Variants in IKZF2 observed in about 807,000 individuals in gnomAD.
The protein encoded by IKZF2 is IKAROS family zinc finger 2.
IKZF2 carries 15 observed loss-of-function variants against 49.2 expected under a neutral mutation model. That is an observed-to-expected ratio of 0.30 (90% CI 0.20 to 0.47). The LOEUF is 0.47. IKZF2 is among the 20% of genes least tolerant of loss of function. IKZF2 has a pLI of 1.00. For synonymous variants in IKZF2, 227 were observed against 221.4 expected (o/e 1.03, Z -0.23); for missense variants, 567 against 664.6 (o/e 0.85, Z 1.61).
At chr2:213,071,404 T>C (rs1296587487) in intron 4 of IKZF2, among the ~76,000 whole-genome samples, 7 of 152,104 alleles carry the variant, frequency 4.6e-5, no homozygotes, top group Admixed American at 6.6e-5. Context: ...AGGAATTGAA[T>C]GTAACGAGTG....
At chr2:213,073,108 A>G (rs1189652360) in intron 4 of IKZF2, among the ~76,000 whole-genome samples, 1 of 152,198 alleles carries the variant, frequency 6.6e-6, no homozygotes, top group Non-Finnish European at 1.5e-5. Flanking sequence ...CTTAAGGTCT[A>G]CTTAATACGT....
At chr2:213,123,818 T>G (rs2060133868) in intron 4 of IKZF2, among the ~76,000 whole-genome samples, 1 of 152,102 alleles carries the variant, frequency 6.6e-6, no homozygotes, top group South Asian at 2.1e-4. Context: ...GAAATGATGA[T>G]AGTATTCTAA....
At chr2:213,083,125 G>T (rs1704134280) in intron 4 of IKZF2, among the ~76,000 whole-genome samples, 3 of 152,136 alleles carry the variant, frequency 2.0e-5, no homozygotes, top group Admixed American at 2.0e-4. Flanking sequence ...AGTAAGACAT[G>T]CTAAAATTAA....
intron 4 of IKZF2, among the ~76,000 whole-genome samples, chr2:213,125,315 T>A (rs975369284): frequency 2.6e-5 from 4 of 151,980 alleles, no homozygotes; most frequent in Non-Finnish European, 5.9e-5. Flanking sequence ...CCTAATAGAG[T>A]TTTTAATTAT....
intron 4 of IKZF2, among the ~76,000 whole-genome samples, chr2:213,092,973 T>C (rs1314057458): frequency 6.6e-6 from 1 of 152,176 alleles, no homozygotes; most frequent in East Asian, 1.9e-4. Context: ...AGAATACAAG[T>C]GCATTCTCAG....
chr2:213,127,845 AT>A (rs1407590846), intron 4 of IKZF2, among the ~76,000 whole-genome samples: 2 of 152,208 alleles, frequency 1.3e-5, no homozygotes, highest in African/African-American at 2.4e-5. Context: ...GAATACATGT[AT>A]TTCCAAAATA....
At position 213,021,997 on chromosome 2, in the gene IKZF2, G is replaced by T; in HGVS notation, c.708C>A (p.His236Gln). 1 of 1,607,930 alleles carries T rather than the reference G, an allele frequency of 6.2e-7. No homozygotes were observed. ...SMEAAGQVMS[H>Q]HVPPMEDCKE... Reference sequence around the variant, plus strand: ...ATGAATCCAGTTTCTACCCACCATGGTGACTCATGACCTGCCCAGCAGCCT... The same window carrying T: ...ATGAATCCAGTTTCTACCCACCATGTTGACTCATGACCTGCCCAGCAGCCT... Residue 236 changes from histidine to glutamine, a missense_variant, in exon 7 of 9, where the codon CAC becomes CAA. Physicochemically the swap from His to Gln is conservative, Grantham distance 24. Transcript: ENST00000434687.
chr2:213,141,338 A>G (rs898158214), intron 4 of IKZF2, among the ~76,000 whole-genome samples: 1 of 151,932 alleles, frequency 6.6e-6, no homozygotes, highest in Non-Finnish European at 1.5e-5. Flanking sequence ...AATCAAATCG[A>G]TCCATGTCAG....
rs548992235 is a variant in IKZF2, at chr2:213,006,253, G to C, written c.*1107C>G. 1 of 152,376 alleles carries C rather than the reference G, an allele frequency of 6.6e-6. No individual in the cohort carries two copies. Among genetic ancestry groups the C allele is most frequent in the East Asian group, 1.9e-4 (1 of 5,156 alleles). 9.4% of individuals were successfully genotyped at this position (152,376 alleles called of 1,614,324 possible). On this transcript the variant is annotated 3_prime_UTR_variant, in exon 9 of 9. Coordinates refer to ENST00000434687, the MANE Select transcript of IKZF2 (RefSeq NM_001387220.1). ...AAGACCTTCTACTCGAAGAGTAAAG[G>C]ATGAATGAACTATGGACAGAACACC...
At position 213,140,611 on chromosome 2, in the gene IKZF2, T is replaced by A. The variant is rs185291341; in HGVS notation, c.139+7097A>T. 2.9e-3 allele frequency among the ~76,000 whole-genome samples: 442 copies of A among 152,020 alleles called. 5 individuals are homozygous for A. The highest frequency in any genetic ancestry group is 9.5e-3 in the African/African-American group (396 of 41,526). On this transcript the variant is annotated intron_variant, in intron 4 of 8. Coordinates refer to ENST00000434687, the MANE Select transcript of IKZF2 (RefSeq NM_001387220.1). Reference sequence around the variant, plus strand: ...CATACATTAATCTTATGATTTTTTTTAAAAAACAGAAGTTATGATATTAGA... The same window carrying A: ...CATACATTAATCTTATGATTTTTTTAAAAAAACAGAAGTTATGATATTAGA...
At chr2:213,056,801 G>A (rs367572280) in intron 5 of IKZF2, 32 bp downstream of exon 5, 21 of 1,611,362 alleles carry the variant, frequency 1.3e-5, no homozygotes, top group East Asian at 8.9e-5. Context: ...GATGTCACAG[G>A]CAGTCATCAG....
chr2:213,051,529 A>G (rs1012347517), intron 5 of IKZF2, among the ~76,000 whole-genome samples: 1 of 151,994 alleles, frequency 6.6e-6, no homozygotes, highest in Admixed American at 6.6e-5. Flanking sequence ...ATATCTCCTC[A>G]TATAAAGTCT....
rs767986362 is a variant in IKZF2 at position 213,007,911 on chromosome 2, T to C, written c.1030A>G (p.Ile344Val). ...HPLMQHPPST[I>V]AEVAPVISSA... ...CTTATAACTGGGGCCACTTCAGCGA[T>C]TGTGCTTGGCGGGTGCTGCATCAGA... The change falls in exon 9 of 9, where the codon ATC (isoleucine) becomes GTC (valine). Residue 344 changes from isoleucine (I) to valine (V), a missense_variant. This residue lies in a region of IKZF2 where 310 missense variants were observed against 326.9 expected (regional missense o/e 0.95). Transcript: ENST00000434687. The C allele has an allele frequency of 5.6e-6, 9 of 1,613,474 alleles. No homozygotes were observed. Among genetic ancestry groups the C allele is most frequent in the African/African-American group, 1.3e-5 (1 of 74,870 alleles).
intron 4 of IKZF2, among the ~76,000 whole-genome samples, chr2:213,131,021 T>C (rs1476173589): frequency 1.3e-5 from 2 of 152,158 alleles, no homozygotes; most frequent in Non-Finnish European, 2.9e-5. Flanking sequence ...TAGATAATGA[T>C]TGCTCATGTA....
At chr2:213,059,247 A>G (rs866712678) in intron 4 of IKZF2, among the ~76,000 whole-genome samples, 3 of 151,840 alleles carry the variant, frequency 2.0e-5, no homozygotes, top group South Asian at 2.1e-4. Context: ...AATGCTCTTT[A>G]TATATTAAGG....
At chr2:213,109,294 A>C (rs933460844) in intron 4 of IKZF2, among the ~76,000 whole-genome samples, 1 of 151,728 alleles carries the variant, frequency 6.6e-6, no homozygotes, top group Non-Finnish European at 1.5e-5. Flanking sequence ...TATTTTACTC[A>C]AATAAATCAA....
At chr2:213,152,310 C>A (rs1024572185), upstream of IKZF2, 4 of 152,282 alleles carry the variant, frequency 2.6e-5, no homozygotes, top group Non-Finnish European at 5.9e-5. Flanking sequence ...GAGCCTCCCA[C>A]CTACTGGTCT....
chr2:213,123,891 T>C (rs1220746261), intron 4 of IKZF2, among the ~76,000 whole-genome samples: 1 of 151,374 alleles, frequency 6.6e-6, no homozygotes, highest in African/African-American at 2.4e-5. Context: ...CAAGCACTAA[T>C]ACATAACAAA....
At chr2:213,108,076 T>C (rs2059591111) in intron 4 of IKZF2, among the ~76,000 whole-genome samples, 1 of 152,142 alleles carries the variant, frequency 6.6e-6, no homozygotes, top group African/African-American at 2.4e-5. Flanking sequence ...TTGAAATTAC[T>C]ATGGAGCAAC....
Sources: gnomAD v4.1 joint callset for allele counts (sites outside exome capture counted in the v4.1 genomes callset) on GRCh38, gnomAD v4.1.1 for gene constraint, gnomAD v4.1.1 regional missense constraint, MANE v1.5 for transcripts, NCBI Gene and HGNC (gene_info 2026-07-23, HGNC 2026-07-21) for gene names.